ABHD17B: variants seen among roughly 807,000 people sequenced by gnomAD.
The protein encoded by ABHD17B is abhydrolase domain containing 17B, depalmitoylase.
In ABHD17B, 9 loss-of-function variants were observed where a neutral mutation model predicts 26.2. That is an observed-to-expected ratio of 0.34 (90% CI 0.21 to 0.60). The LOEUF is 0.60. ABHD17B is among the 20% of genes least tolerant of loss of function. The pLI, the probability that ABHD17B is intolerant of heterozygous loss-of-function variation, is 0.80. For missense variants in ABHD17B, 224 were observed against 352.1 expected, an observed-to-expected ratio of 0.64 and a Z score of 2.91; for synonymous variants, 127 against 122.3, an observed-to-expected ratio of 1.04 and a Z score of -0.25.
At position 71,865,608 on chromosome 9, in the gene ABHD17B, G is replaced by T; in HGVS notation, c.*1179C>A. 1.0e-6 allele frequency: 1 copy of T among 978,510 alleles called. No individual in the cohort carries two copies. The highest frequency in any genetic ancestry group is 1.2e-6 in the Non-Finnish European group (1 of 823,678). The allele number at this position is 978,510 out of a possible 1,614,324, so 60.6% of individuals were successfully genotyped here. A position where few individuals can be genotyped will look rare whatever the true frequency, so the allele number is the denominator to read the frequency against. On this transcript the variant is annotated 3_prime_UTR_variant, in exon 4 of 4. Coordinates refer to ENST00000333421, the MANE Select transcript of ABHD17B (RefSeq NM_001025780.3). ...GGGCCAGGCGCAGTGGCTCATGCCTGTAATTCCGACACTTTGGGAGGCCAA... is the reference window on the plus strand; with the variant it reads ...GGGCCAGGCGCAGTGGCTCATGCCTTTAATTCCGACACTTTGGGAGGCCAA...
intron 1 of ABHD17B, among the ~76,000 whole-genome samples, chr9:71,875,375 G>C (rs887603504): frequency 2.0e-5 from 3 of 152,000 alleles, no homozygotes; most frequent in Admixed American, 6.6e-5. Flanking sequence ...ACAGGCATGC[G>C]CCACCACACC....
intron 1 of ABHD17B, among the ~76,000 whole-genome samples, chr9:71,886,580 C>T (rs565050734): frequency 3.3e-5 from 5 of 152,234 alleles, no homozygotes; most frequent in South Asian, 4.1e-4. Context: ...AGTGCAGTGA[C>T]GTGATCTCGG....
At chr9:71,900,428 G>A (rs1283320061) in intron 1 of ABHD17B, among the ~76,000 whole-genome samples, 1 of 152,078 alleles carries the variant, frequency 6.6e-6, no homozygotes, top group African/African-American at 2.4e-5. Context: ...ACTTTGGGAG[G>A]CTGAGGCGGA....
chr9:71,873,586 C>T (rs777191432), intron 2 of ABHD17B, among the ~76,000 whole-genome samples: 7 of 152,106 alleles, frequency 4.6e-5, no homozygotes, highest in Admixed American at 6.6e-5. Flanking sequence ...TTAGTAGAGA[C>T]GGGGTTTCAC....
intron 1 of ABHD17B, among the ~76,000 whole-genome samples, chr9:71,877,191 G>A (rs1356361284): frequency 6.6e-6 from 1 of 152,144 alleles, no homozygotes; most frequent in Non-Finnish European, 1.5e-5. Context: ...GAAAGGGAAG[G>A]AACTCAAAGG....
chr9:71,909,178 G>A (rs1355996705), intron 1 of ABHD17B, among the ~76,000 whole-genome samples: 2 of 152,166 alleles, frequency 1.3e-5, no homozygotes, highest in Non-Finnish European at 2.9e-5. Flanking sequence ...AAACTGCCTA[G>A]CCTGCTAAAA....
intron 1 of ABHD17B, among the ~76,000 whole-genome samples, chr9:71,908,892 T>C (rs1827362705): frequency 6.6e-6 from 1 of 152,204 alleles, no homozygotes; most frequent in East Asian, 1.9e-4. Context: ...ATATTACAGA[T>C]GGAGAAAACT....
chr9:71,894,243 TTTGAC>T (rs1418315365), intron 1 of ABHD17B, among the ~76,000 whole-genome samples: 1 of 152,166 alleles, frequency 6.6e-6, no homozygotes, highest in Admixed American at 6.5e-5. Flanking sequence ...TCTACTGATG[TTTGAC>T]TTATTTCTTA....
chr9:71,866,136 ACTT>A lies in ABHD17B; in HGVS notation c.*648_*650del. On this transcript the variant is annotated 3_prime_UTR_variant, in exon 4 of 4. Transcript: ENST00000333421. ...CTAGTTAAAATTCAGTGCTATCATG[ACTT>A]CTCATTTACAAGGTAACTCATTGGT... The A allele has an allele frequency of 1.0e-6, 1 of 985,236 alleles. No individual in the cohort carries two copies. Among genetic ancestry groups the A allele is most frequent in the African/African-American group, 1.7e-5 (1 of 57,334 alleles). The allele number at this position is 985,236 out of a possible 1,614,324, so 61.0% of individuals were successfully genotyped here. A position where few individuals can be genotyped will look rare whatever the true frequency, so the allele number is the denominator to read the frequency against.
intron 1 of ABHD17B, among the ~76,000 whole-genome samples, chr9:71,910,207 T>A (rs1285399144): frequency 3.3e-5 from 5 of 152,068 alleles, no homozygotes; most frequent in Admixed American, 2.0e-4. Context: ...CACCCGCGAA[T>A]CTCTCAGTGC....
chr9:71,905,939 C>T (rs751063181), intron 1 of ABHD17B, among the ~76,000 whole-genome samples: 1 of 152,016 alleles, frequency 6.6e-6, no homozygotes, highest in Non-Finnish European at 1.5e-5. Context: ...CCCAGCCACT[C>T]GGGAAGCCCA....
At chr9:71,882,139 G>C (rs1459235526) in intron 1 of ABHD17B, among the ~76,000 whole-genome samples, 1 of 152,140 alleles carries the variant, frequency 6.6e-6, no homozygotes, top group Non-Finnish European at 1.5e-5. Flanking sequence ...GGAGAAATTG[G>C]AACCCTCATA....
At chr9:71,862,576 G>A (rs1825854988), downstream of ABHD17B, 8 of 1,521,538 alleles carry the variant, frequency 5.3e-6, no homozygotes, top group East Asian at 2.3e-5. Flanking sequence ...TAGACCTTGA[G>A]AAAATCACTT....
rs1309399992 is a variant in ABHD17B at position 71,865,974 on chromosome 9, T to C, written c.*813A>G. 1.0e-6 allele frequency: 1 copy of C among 985,220 alleles called. No individual in the cohort carries two copies. Among genetic ancestry groups the C allele is most frequent in the Non-Finnish European group, 1.2e-6 (1 of 829,854 alleles). The allele number at this position is 985,220 out of a possible 1,614,324, so 61.0% of individuals were successfully genotyped here. On this transcript the variant is annotated 3_prime_UTR_variant, in exon 4 of 4. Coordinates refer to ENST00000333421, the MANE Select transcript of ABHD17B (RefSeq NM_001025780.3). Reference sequence around the variant, plus strand: ...TTCATACAATGAAGACTACTGCAATTCTATGAAGACTATGAGATCAGTCAA... The same window carrying C: ...TTCATACAATGAAGACTACTGCAATCCTATGAAGACTATGAGATCAGTCAA...
chr9:71,888,944 T>C (rs1378267414), intron 1 of ABHD17B, among the ~76,000 whole-genome samples: 3 of 151,550 alleles, frequency 2.0e-5, no homozygotes, highest in African/African-American at 7.3e-5. Flanking sequence ...TAAATATTAG[T>C]CAAGTTCCAC....
chr9:71,906,978 T>C (rs1448880633), intron 1 of ABHD17B, among the ~76,000 whole-genome samples: 1 of 152,208 alleles, frequency 6.6e-6, no homozygotes, highest in East Asian at 1.9e-4. Flanking sequence ...GAAACACATA[T>C]TACTTTATTA....
intron 3 of ABHD17B, among the ~76,000 whole-genome samples, chr9:71,868,794 T>A (rs1826029893): frequency 6.6e-6 from 1 of 152,194 alleles, no homozygotes; most frequent in Non-Finnish European, 1.5e-5. Context: ...GTTCAAGGGA[T>A]TCTCATGCCT....
intron 1 of ABHD17B, among the ~76,000 whole-genome samples, chr9:71,883,107 C>A (rs902873501): frequency 6.6e-6 from 1 of 152,200 alleles, no homozygotes; most frequent in African/African-American, 2.4e-5. Flanking sequence ...TGCGCCATTG[C>A]ACTCCAGCCT....
In ABHD17B at chr9:71,898,543, G is replaced by A. The variant is rs569159384; in HGVS notation, c.-4+12091C>T. On this transcript the variant is annotated intron_variant, in intron 1 of 3. Transcript: ENST00000333421. ...AATCCCAACTACTCAGGAGGCTGAGGCAGGAGAATCGCTTGAACCCAGGAA... is the reference window on the plus strand; with the variant it reads ...AATCCCAACTACTCAGGAGGCTGAGACAGGAGAATCGCTTGAACCCAGGAA... Among the ~76,000 whole-genome samples, 4 of 152,030 alleles carry A rather than the reference G, an allele frequency of 2.6e-5. No homozygotes were observed. The South Asian group carries it at 8.3e-4, about 32-fold the overall frequency.
Sources: gnomAD v4.1 joint callset for allele counts (sites outside exome capture counted in the v4.1 genomes callset) on GRCh38, gnomAD v4.1.1 for gene constraint, MANE v1.5 for transcripts, NCBI Gene and HGNC (gene_info 2026-07-23, HGNC 2026-07-21) for gene names.